Variants in TNS1 observed in about 807,000 individuals in gnomAD.
The protein encoded by TNS1 is tensin-1.
TNS1 carries 62 observed loss-of-function variants against 168.6 expected under a neutral mutation model. That is an observed-to-expected ratio of 0.37 (90% CI 0.30 to 0.45). TNS1 has a LOEUF of 0.45. Among genes scored for constraint, TNS1 ranks in the 20% least tolerant of loss-of-function variants. The probability of loss-of-function intolerance (pLI) is 1.00; values close to 1 mark genes in which losing one functional copy is unlikely to be tolerated. For missense variants in TNS1, 2,240 were observed against 2,339.4 expected (o/e 0.96, Z 0.88); for synonymous variants, 934 against 933.2 (o/e 1.00, Z -0.02).
chr2:217,815,186 C>A, intron 24 of TNS1, 188 bp from the exon 25 acceptor site: 1 of 590,690 alleles, frequency 1.7e-6, no homozygotes. Flanking sequence ...GCCTGTATGC[C>A]TGGTGTCCTT....
intron 18 of TNS1, chr2:217,849,857 C>A (rs1271176113): frequency 1.0e-6 from 1 of 985,324 alleles, no homozygotes; most frequent in Non-Finnish European, 1.2e-6. Context: ...AAGGGCCCCA[C>A]CATGCCCAAG....
At chr2:217,814,811 C>T in intron 25 of TNS1, 101 bp downstream of exon 25, 2 of 953,246 alleles carry the variant, frequency 2.1e-6, no homozygotes, top group South Asian at 1.5e-5. Context: ...TGACCCCCTG[C>T]TACAAAGAGG....
rs1937973183 is a variant in TNS1, at chr2:217,804,269, T to TCTCC, written c.*189_*190insGGAG. The TCTCC allele has an allele frequency of 3.2e-6, 2 of 629,498 alleles. No homozygotes were observed. The highest frequency in any genetic ancestry group is 3.7e-5 in the African/African-American group (2 of 53,696). 39.0% of individuals were successfully genotyped at this position (629,498 alleles called of 1,614,324 possible). A position where few individuals can be genotyped will look rare whatever the true frequency, so the allele number is the denominator to read the frequency against. On this transcript the variant is annotated 3_prime_UTR_variant, in exon 33 of 33. Transcript: ENST00000682258. ...TCTCCTCCATCTTTCTCTCTCTCTCTCTCTCTCTCTCTCTCTCTCTTTTCC... is the reference window on the plus strand; with the variant it reads ...TCTCCTCCATCTTTCTCTCTCTCTCTCTCCCTCTCTCTCTCTCTCTCTCTTTTCC...
chr2:217,813,809 C>T lies in TNS1; in HGVS notation c.4737G>A (p.Ala1579=), dbSNP rs768725508. 51 of 1,608,404 alleles carry T rather than the reference C, an allele frequency of 3.2e-5. No homozygotes were observed. The highest frequency in any genetic ancestry group is 5.4e-5 in the African/African-American group (4 of 74,598). ...CCCCCGGCTCCTGGTCCTTGAGGAG[C>T]GCGATGGCTGCATGGGGAAGGGACA... ...KPEISREQAI[A]LLKDQEPGAF... The change falls in exon 26 of 33, where the codon GCG becomes GCA. Residue 1579 remains alanine, a synonymous_variant. Transcript: ENST00000682258. This position sits in a 1 kb window ranked among gnomAD's most constrained non-coding sequence, Gnocchi z 4.0.
At position 217,800,756 on chromosome 2, in the gene TNS1, A is replaced by C. The variant is rs781466407; in HGVS notation, c.*3703T>G. On this transcript the variant is annotated 3_prime_UTR_variant, in exon 33 of 33. Coordinates refer to ENST00000682258, the MANE Select transcript of TNS1 (RefSeq NM_001387777.1). The stretch of plus-strand genomic sequence containing the variant: ...CCCCAGGTCCTAAAGCTGAAAAAAA[A>C]AGTGGGAGAAGATCCAGGAGGCAGG... 9.9e-5 allele frequency: 15 copies of C among 152,278 alleles called. No homozygotes were observed. The highest frequency in any genetic ancestry group is 1.3e-4 in the Admixed American group (2 of 15,292). 9.4% of individuals were successfully genotyped at this position (152,278 alleles called of 1,614,324 possible).
intron 18 of TNS1, among the ~76,000 whole-genome samples, chr2:217,870,082 T>A (rs940401441): frequency 5.4e-4 from 74 of 136,078 alleles, no homozygotes; most frequent in African/African-American, 1.9e-3. Context: ...GTTATGCCAC[T>A]TTTTAATCTG....
At chr2:217,961,638 C>A (rs1320846226) in intron 3 of TNS1, among the ~76,000 whole-genome samples, 6 of 152,262 alleles carry the variant, frequency 3.9e-5, no homozygotes, top group Middle Eastern at 3.4e-3. Context: ...CAGCTGAAAA[C>A]GAAAGATGCC....
At chr2:217,907,360 G>A (rs1456053535) in intron 4 of TNS1, 109 bp from the exon 5 acceptor site, 1 of 679,444 alleles carries the variant, frequency 1.5e-6, no homozygotes. Context: ...CTGAGACAGG[G>A]ATGATGAGGC....
At chr2:217,847,449 C>T in intron 19 of TNS1, 61 bp downstream of exon 19, 1 of 1,362,126 alleles carries the variant, frequency 7.3e-7, no homozygotes, top group Non-Finnish European at 9.6e-7. Flanking sequence ...GGACCTGCAC[C>T]TCCCCCCAGC....
Position 217,815,207 on chromosome 2 carries a change from G to C in TNS1, c.4643-209C>G, listed in dbSNP as rs1398348008. The C allele has an allele frequency of 7.0e-6, 4 of 570,670 alleles. No homozygotes were observed. In the East Asian group the frequency reaches 1.2e-4, roughly 17 times the overall value. The allele number at this position is 570,670 out of a possible 1,614,324, so 35.4% of individuals were successfully genotyped here. A position where few individuals can be genotyped will look rare whatever the true frequency, so the allele number is the denominator to read the frequency against. ...ATGCCTGGTGTCCTTACAAGGAGAG[G>C]AGACAGAGATACACACAGGGGAGAG... is the stretch of plus-strand genomic sequence containing the variant. On this transcript the variant is annotated intron_variant, in intron 24 of 32. Transcript: ENST00000682258.
intron 3 of TNS1, among the ~76,000 whole-genome samples, chr2:217,959,983 G>A (rs1420280376): frequency 6.6e-6 from 1 of 152,080 alleles, no homozygotes; most frequent in Admixed American, 6.5e-5. Flanking sequence ...GGAGGAGGGT[G>A]GAGAAGGAAG....
chr2:217,899,642 A>G (rs560211437), intron 7 of TNS1, among the ~76,000 whole-genome samples: 37 of 152,356 alleles, frequency 2.4e-4, no homozygotes, highest in African/African-American at 8.7e-4. Flanking sequence ...GAGGGCCATG[A>G]GTCAGACGTG....
At position 217,946,305 on chromosome 2, in the gene TNS1, T is replaced by C. The variant is rs185329092; in HGVS notation, c.187-26069A>G. On this transcript the variant is annotated intron_variant, in intron 3 of 32. Transcript: ENST00000682258. The stretch of plus-strand genomic sequence containing the variant: ...CACTAACGCCCTGACATGCAGTGGG[T>C]CAGGTGCACTTCTATGGCTCCCATT... Among the ~76,000 whole-genome samples, 6 of 152,216 alleles carry C rather than the reference T, an allele frequency of 3.9e-5. 1 individual carries two copies. The highest frequency in any genetic ancestry group is 2.6e-4 in the Admixed American group (4 of 15,290).
Position 217,829,474 on chromosome 2 carries a change from G to T in TNS1, c.3373+1981C>A, listed in dbSNP as rs185616217. Among the ~76,000 whole-genome samples, 24 of 152,362 alleles carry T rather than the reference G, an allele frequency of 1.6e-4. No individual in the cohort carries two copies. The East Asian group carries it at 4.4e-3, about 28-fold the overall frequency. Reference sequence around the variant, plus strand: ...AGAAATGCCTGTGGAGCACGTCCCGGGAAAGGGGATCTGAGTCCCTCCCTG... The same window carrying T: ...AGAAATGCCTGTGGAGCACGTCCCGTGAAAGGGGATCTGAGTCCCTCCCTG... On this transcript the variant is annotated intron_variant, in intron 22 of 32. Coordinates refer to ENST00000682258, the MANE Select transcript of TNS1 (RefSeq NM_001387777.1).
chr2:218,019,440 G>A (rs1432963460), intron 1 of TNS1, among the ~76,000 whole-genome samples: 8 of 152,200 alleles, frequency 5.3e-5, no homozygotes, highest in Admixed American at 5.2e-4. Context: ...CTGCCCTGCA[G>A]GTAGGAACTA....
At chr2:217,969,789 A>T (rs774449890) in intron 3 of TNS1, among the ~76,000 whole-genome samples, 3 of 152,240 alleles carry the variant, frequency 2.0e-5, no homozygotes, top group Admixed American at 6.5e-5. Flanking sequence ...ACAAGTGTTG[A>T]CAAGGATGTG....
chr2:217,937,266 T>C, intron 3 of TNS1: 3 of 346,084 alleles, frequency 8.7e-6, no homozygotes, highest in Middle Eastern at 1.1e-3. Flanking sequence ...ATAGGGTGGA[T>C]GCCCTCAAAG....
chr2:217,930,810 C>T (rs915967697), intron 3 of TNS1, among the ~76,000 whole-genome samples: 6 of 152,152 alleles, frequency 3.9e-5, no homozygotes, highest in Admixed American at 2.0e-4. Flanking sequence ...GCTTCAGAGT[C>T]GCCTTCTCCA....
intron 1 of TNS1, among the ~76,000 whole-genome samples, chr2:218,020,165 G>A (rs941090430): frequency 3.9e-5 from 6 of 152,292 alleles, no homozygotes; most frequent in Non-Finnish European, 7.3e-5. Context: ...CAATGAGAGC[G>A]AGCAGATGTT....
Sources: gnomAD v4.1 joint callset for allele counts (sites outside exome capture counted in the v4.1 genomes callset) on GRCh38, gnomAD v4.1.1 for gene constraint, Gnocchi (gnomAD v3.1) non-coding constraint, MANE v1.5 for transcripts, NCBI Gene and HGNC (gene_info 2026-07-23, HGNC 2026-07-21) for gene names.